Variants in GRB10 observed in about 807,000 individuals in gnomAD.
GRB10 encodes growth factor receptor bound protein 10.
A neutral mutation model predicts 80.9 loss-of-function variants in GRB10; 20 were observed. The observed-to-expected ratio is 0.25, with a 90% CI of 0.17 to 0.36. GRB10 has a LOEUF of 0.36. Among genes scored for constraint, GRB10 ranks in the 10% least tolerant of loss-of-function variants. The probability of loss-of-function intolerance (pLI) is 1.00; values close to 1 mark genes in which losing one functional copy is unlikely to be tolerated. For missense variants in GRB10, 548 were observed against 747.7 expected (o/e 0.73, Z 3.12); for synonymous variants, 291 against 291.5 (o/e 1.00, Z 0.02).
intron 7 of GRB10, among the ~76,000 whole-genome samples, chr7:50,657,078 A>G (rs1586464855): frequency 6.6e-6 from 1 of 152,240 alleles, no homozygotes; most frequent in Non-Finnish European, 1.5e-5. Flanking sequence ...ATCAGCTATC[A>G]TGAGTGTTTT....
At chr7:50,622,879 T>C (rs1014910950) in intron 8 of GRB10, among the ~76,000 whole-genome samples, 4 of 152,104 alleles carry the variant, frequency 2.6e-5, no homozygotes, top group Non-Finnish European at 5.9e-5. Flanking sequence ...CAGCCTCAAC[T>C]TCCTGGGCTC....
chr7:50,614,290 G>A (rs556402120), intron 12 of GRB10, among the ~76,000 whole-genome samples: 11 of 152,294 alleles, frequency 7.2e-5, no homozygotes, highest in Admixed American at 6.5e-4. Flanking sequence ...GTGTGCACAC[G>A]TGTGTGTGCA....
intron 6 of GRB10, among the ~76,000 whole-genome samples, chr7:50,671,368 C>A (rs2060334027): frequency 6.6e-6 from 1 of 152,338 alleles, no homozygotes; most frequent in African/African-American, 2.4e-5. Flanking sequence ...TTTGCCACTA[C>A]AGAAACACAT....
chr7:50,784,974 ACTT>A (rs761027563), upstream of GRB10, among the ~76,000 whole-genome samples: 1 of 152,202 alleles, frequency 6.6e-6, no homozygotes, highest in East Asian at 1.9e-4. Context: ...CAGCTAGGTG[ACTT>A]CTTTTCTGGA....
chr7:50,783,106 C>T (rs114287043), upstream of GRB10, among the ~76,000 whole-genome samples: 391 of 152,336 alleles, frequency 2.6e-3, no homozygotes, highest in African/African-American at 8.9e-3. Flanking sequence ...CATGTCTACC[C>T]GCTACGCCGC....
At chr7:50,693,800 C>T (rs2063111426) in intron 5 of GRB10, among the ~76,000 whole-genome samples, 1 of 152,070 alleles carries the variant, frequency 6.6e-6, no homozygotes, top group South Asian at 2.1e-4. Flanking sequence ...ACACAGAAGG[C>T]ACAGAGGCTG....
At chr7:50,662,714 G>T (rs1401305825) in intron 7 of GRB10, among the ~76,000 whole-genome samples, 1 of 152,226 alleles carries the variant, frequency 6.6e-6, no homozygotes, top group Non-Finnish European at 1.5e-5. Flanking sequence ...CTTGCAGCAT[G>T]TGGAAGTGCT....
chr7:50,703,846 C>G lies in GRB10; in HGVS notation c.114G>C (p.Gln38His). Residue 38 changes from glutamine (Q) to histidine (H), a missense_variant, in exon 5 of 19, where the codon CAG becomes CAC. Gln to His is a conservative substitution (Grantham distance 24, BLOSUM62 0). Around this residue, in one of 4 missense-constraint regions of GRB10, gnomAD observed 245 missense variants for 229.3 expected, o/e 1.07. Transcript: ENST00000401949. ...QDPAGPGLPA[Q>H]SDRLANHQED... ...CCTGGTGATTCGCAAGTCGGTCAGA[C>G]TGTGCGGGGAGTCCTGGTCCTGCCG... The G allele has an allele frequency of 6.2e-7, 1 of 1,613,380 alleles. No individual in the cohort carries two copies. The highest frequency in any genetic ancestry group is 8.5e-7 in the Non-Finnish European group (1 of 1,179,472).
At chr7:50,643,211 A>C (rs577929585) in intron 7 of GRB10, among the ~76,000 whole-genome samples, 34 of 152,294 alleles carry the variant, frequency 2.2e-4, no homozygotes, top group Non-Finnish European at 4.6e-4. Flanking sequence ...TGAGCGGATT[A>C]GGGTACATGG....
At position 50,674,666 on chromosome 7, in the gene GRB10, G is replaced by A. The variant is rs754672563; in HGVS notation, c.140-8C>T. The A allele has an allele frequency of 1.4e-5, 22 of 1,612,072 alleles. No homozygotes were observed. The African/African-American group carries it at 2.4e-4, about 18-fold the overall frequency. On this transcript the variant is annotated splice_region_variant and splice_polypyrimidine_tract_variant and intron_variant, in intron 5 of 18. Coordinates refer to ENST00000401949, the MANE Select transcript of GRB10 (RefSeq NM_001350814.2). ...CCAGGTCCACATCATCCTCTGCACA[G>A]AAAAAGGCAAGAGCAAAAAAGAAAC...
At chr7:50,773,341 G>A (rs958961143) in intron 2 of GRB10, among the ~76,000 whole-genome samples, 1 of 147,684 alleles carries the variant, frequency 6.8e-6, no homozygotes, top group Non-Finnish European at 1.5e-5. Context: ...GAAAGGGGAA[G>A]GGGAAGGGGA....
chr7:50,769,399 A>G (rs1357243048), intron 2 of GRB10, among the ~76,000 whole-genome samples: 2 of 152,152 alleles, frequency 1.3e-5, no homozygotes, highest in Non-Finnish European at 2.9e-5. Flanking sequence ...GGGACCCGAG[A>G]AAGAACCTGT....
At chr7:50,737,142 G>C (rs1275282207) in intron 3 of GRB10, among the ~76,000 whole-genome samples, 1 of 152,196 alleles carries the variant, frequency 6.6e-6, no homozygotes, top group Non-Finnish European at 1.5e-5. Context: ...TATCTGATAA[G>C]GGATTAAAAC....
chr7:50,699,780 C>T (rs1240145327), intron 5 of GRB10, among the ~76,000 whole-genome samples: 1 of 151,840 alleles, frequency 6.6e-6, no homozygotes, highest in African/African-American at 2.4e-5. Flanking sequence ...AGATCTCGTC[C>T]TCTGTGTAAG....
At chr7:50,624,954 C>T (rs1324005170) in intron 8 of GRB10, among the ~76,000 whole-genome samples, 4 of 151,384 alleles carry the variant, frequency 2.6e-5, no homozygotes, top group Non-Finnish European at 5.9e-5. Context: ...TCATCGCCCA[C>T]TAGAATGTAT....
intron 4 of GRB10, chr7:50,726,998 G>A (rs1402402358): frequency 5.9e-5 from 9 of 152,170 alleles, no homozygotes; most frequent in Non-Finnish European, 1.3e-4. Flanking sequence ...CCACCGCGTA[G>A]CATTGGCAGG....
intron 7 of GRB10, among the ~76,000 whole-genome samples, chr7:50,638,723 C>G (rs951751579): frequency 6.6e-6 from 1 of 152,078 alleles, no homozygotes; most frequent in Non-Finnish European, 1.5e-5. Context: ...ACCATTCAAC[C>G]CAGTAATCCC....
intron 3 of GRB10, chr7:50,747,509 C>T (rs79731326): frequency 6.6e-6 from 1 of 152,174 alleles, no homozygotes; most frequent in Non-Finnish European, 1.5e-5. Context: ...TCTCTCCAAC[C>T]CTTTGGGATT....
chr7:50,713,543 C>T (rs2066258729), intron 4 of GRB10, among the ~76,000 whole-genome samples: 1 of 137,560 alleles, frequency 7.3e-6, no homozygotes, highest in Non-Finnish European at 1.6e-5. Context: ...TCCTCTGCTA[C>T]CTCTATCACC....
Sources: allele counts gnomAD v4.1 joint callset (sites outside exome capture counted in the v4.1 genomes callset), GRCh38; gene constraint gnomAD v4.1.1; regional missense constraint gnomAD v4.1.1; transcripts MANE v1.5; gene names NCBI Gene and HGNC (gene_info 2026-07-23, HGNC 2026-07-21).